Variants in SLIT2 observed in about 807,000 individuals in gnomAD.
SLIT2 encodes slit guidance ligand 2.
SLIT2 carries 41 observed loss-of-function variants against 185.7 expected under a neutral mutation model. The observed-to-expected ratio is 0.22, with a 90% CI of 0.17 to 0.29. SLIT2 has a LOEUF of 0.29. SLIT2 is among the 10% of genes least tolerant of loss of function. The probability of loss-of-function intolerance (pLI) is 1.00; values close to 1 mark genes in which losing one functional copy is unlikely to be tolerated. For synonymous variants in SLIT2, 693 were observed against 680.2 expected (o/e 1.02, Z -0.29); for missense variants, 1,571 against 1,909.0 (o/e 0.82, Z 3.30).
intron 29 of SLIT2, among the ~76,000 whole-genome samples, chr4:20,574,787 A>C (rs13118148): frequency 4.7e-5 from 3 of 63,880 alleles, no homozygotes; most frequent in Middle Eastern, 0.013. Flanking sequence ...ACTCGCTTTC[A>C]AAAAAAAAAA....
chr4:20,476,834 T>C (rs1716160795), intron 5 of SLIT2, among the ~76,000 whole-genome samples: 1 of 152,226 alleles, frequency 6.6e-6, no homozygotes, highest in South Asian at 2.1e-4. Flanking sequence ...CATCTCTGTT[T>C]CAGGATGCCA....
chr4:20,603,308 A>G (rs1728548470), intron 33 of SLIT2, among the ~76,000 whole-genome samples: 1 of 152,184 alleles, frequency 6.6e-6, no homozygotes, highest in Admixed American at 6.5e-5. Context: ...ATTATCTCCC[A>G]CTGGGTCCCT....
At chr4:20,375,286 G>A (rs1448748629) in intron 4 of SLIT2, among the ~76,000 whole-genome samples, 1 of 151,996 alleles carries the variant, frequency 6.6e-6, no homozygotes, top group Non-Finnish European at 1.5e-5. Flanking sequence ...TGTTCGTCCA[G>A]TTCTGCCATC....
intron 4 of SLIT2, among the ~76,000 whole-genome samples, chr4:20,455,423 A>T (rs1017536127): frequency 1.3e-5 from 2 of 152,184 alleles, no homozygotes; most frequent in African/African-American, 2.4e-5. Context: ...CTCTTATTAC[A>T]CTAAGAAATA....
rs537591690 is a variant in SLIT2, at chr4:20,275,872, C to G, written c.395+6991C>G. ...TTTAATGATGTGTTTTTCTGAATGA[C>G]AAATGAAGGAAAAATACAAATGTTA... On this transcript the variant is annotated intron_variant, in intron 4 of 36. Transcript: ENST00000504154. 2.0e-5 allele frequency among the ~76,000 whole-genome samples: 3 copies of G among 151,978 alleles called. No homozygotes were observed. In the East Asian group the frequency reaches 5.8e-4, roughly 29 times the overall value.
chr4:20,591,466 G>A (rs1413506952), intron 30 of SLIT2, among the ~76,000 whole-genome samples: 2 of 151,942 alleles, frequency 1.3e-5, no homozygotes. Context: ...AGAATATGTA[G>A]GTACAGTTGT....
chr4:20,472,247 TATATATAGATCTATATATAG>T lies in SLIT2; in HGVS notation c.467+4432_467+4451del, dbSNP rs1560452386. Among the ~76,000 whole-genome samples the T allele has an allele frequency of 8.1e-3, 311 of 38,306 alleles. 1 individual carries two copies. Among genetic ancestry groups the T allele is most frequent in the Middle Eastern group, 0.031 (1 of 32 alleles). 25.1% of individuals were successfully genotyped at this position (38,306 alleles called of 152,430 possible). A position where few individuals can be genotyped will look rare whatever the true frequency, so the allele number is the denominator to read the frequency against. On this transcript the variant is annotated intron_variant, in intron 5 of 36. Transcript: ENST00000504154. ...GTATATATATATAGATCTATATATC[TATATATAGATCTATATATAG>T]ATATATATCTATATATATAGATATA...
At chr4:20,570,666 C>T (rs1411942330) in intron 29 of SLIT2, among the ~76,000 whole-genome samples, 2 of 147,766 alleles carry the variant, frequency 1.4e-5, no homozygotes, top group African/African-American at 5.0e-5. Flanking sequence ...CAAATTGGAC[C>T]CAAGCATTTC....
chr4:20,465,447 A>G (rs541101912), intron 4 of SLIT2, among the ~76,000 whole-genome samples: 2 of 152,200 alleles, frequency 1.3e-5, no homozygotes, highest in South Asian at 4.1e-4. Context: ...TTGTGGGTAC[A>G]CATGGCCCAC....
At chr4:20,397,046 T>G (rs1470878249) in intron 4 of SLIT2, among the ~76,000 whole-genome samples, 1 of 151,598 alleles carries the variant, frequency 6.6e-6, no homozygotes, top group African/African-American at 2.4e-5. Context: ...TTGTTAAAAC[T>G]TAAAAGGCCT....
intron 4 of SLIT2, among the ~76,000 whole-genome samples, chr4:20,426,809 C>T (rs1728594989): frequency 6.6e-6 from 1 of 152,032 alleles, no homozygotes; most frequent in African/African-American, 2.4e-5. Context: ...ATGGGCTGGG[C>T]TTATATTCTT....
chr4:20,397,807 C>T (rs11931239), intron 4 of SLIT2, among the ~76,000 whole-genome samples: 18,143 of 151,730 alleles, frequency 0.12, 1,260 homozygotes, highest in Admixed American at 0.21. Context: ...CACACGGCTT[C>T]AAGTTTGTTT....
chr4:20,525,300 C>T, intron 15 of SLIT2, 128 bp downstream of exon 15: 1 of 660,644 alleles, frequency 1.5e-6, no homozygotes, highest in Non-Finnish European at 2.7e-6. Context: ...TTGACTTATG[C>T]ATATATCACT....
intron 29 of SLIT2, among the ~76,000 whole-genome samples, chr4:20,588,294 T>C (rs1490124577): frequency 2.0e-5 from 3 of 152,242 alleles, no homozygotes; most frequent in African/African-American, 7.2e-5. Flanking sequence ...ACTAGATGAA[T>C]ACATTTATTA....
chr4:20,542,274 C>G (rs1722862360), intron 20 of SLIT2, among the ~76,000 whole-genome samples: 1 of 152,090 alleles, frequency 6.6e-6, no homozygotes. Context: ...TTACAGTTTA[C>G]AAATTGCAAG....
chr4:20,444,986 T>C (rs1337118014), intron 4 of SLIT2, among the ~76,000 whole-genome samples: 1 of 152,236 alleles, frequency 6.6e-6, no homozygotes, highest in Non-Finnish European at 1.5e-5. Flanking sequence ...TCAGACCTTT[T>C]ATTTGTATAC....
At chr4:20,571,235 T>A (rs1340600384) in intron 29 of SLIT2, among the ~76,000 whole-genome samples, 1 of 152,164 alleles carries the variant, frequency 6.6e-6, no homozygotes, top group East Asian at 1.9e-4. Flanking sequence ...ACTGTTTTAG[T>A]CTTTTTACTT....
chr4:20,504,402 T>C (rs1719012220), intron 9 of SLIT2, among the ~76,000 whole-genome samples: 1 of 152,176 alleles, frequency 6.6e-6, no homozygotes, highest in African/African-American at 2.4e-5. Flanking sequence ...ATAATCAGCA[T>C]CTGGGCTGTA....
chr4:20,458,426 C>T (rs956968541), intron 4 of SLIT2, among the ~76,000 whole-genome samples: 2 of 152,070 alleles, frequency 1.3e-5, no homozygotes, highest in Non-Finnish European at 2.9e-5. Flanking sequence ...AGTGGGTTAC[C>T]AACATGGGGT....
Sources: gnomAD v4.1 joint callset for allele counts (sites outside exome capture counted in the v4.1 genomes callset) on GRCh38, gnomAD v4.1.1 for gene constraint, MANE v1.5 for transcripts, NCBI Gene and HGNC (gene_info 2026-07-23, HGNC 2026-07-21) for gene names.